Variants in CRACD observed in about 807,000 individuals in gnomAD.
The protein encoded by CRACD is capping protein inhibiting regulator of actin dynamics, also known as capping protein-inhibiting regulator of actin dynamics.
CRACD carries 56 observed loss-of-function variants against 106.8 expected under a neutral mutation model. That is an observed-to-expected ratio of 0.52 (90% CI 0.42 to 0.66). The LOEUF (loss-of-function observed/expected upper bound fraction) is 0.66, where lower values mean the gene tolerates loss of function less well. Among genes scored for constraint, CRACD ranks in the 30% least tolerant of loss-of-function variants. The pLI is 0.00. For missense variants in CRACD, 1,730 were observed against 1,623.2 expected, an observed-to-expected ratio of 1.07 and a Z score of -1.13; for synonymous variants, 754 against 670.8, an observed-to-expected ratio of 1.12 and a Z score of -1.92.
At chr4:56,184,509 G>T (rs1577720360) in intron 2 of CRACD, among the ~76,000 whole-genome samples, 1 of 152,224 alleles carries the variant, frequency 6.6e-6, no homozygotes, top group Non-Finnish European at 1.5e-5. Flanking sequence ...CATCACACAG[G>T]TCTGGCTAGG....
In CRACD at chr4:56,315,430, G is replaced by C; in HGVS notation, c.1928G>C (p.Gly643Ala). The change falls in exon 8 of 11, where the codon GGC (glycine) becomes GCC (alanine). Residue 643 changes from glycine (G) to alanine (A), a missense_variant. Transcript: ENST00000682029. This position sits in a 1 kb window ranked among gnomAD's most constrained non-coding sequence, Gnocchi z 4.1. ...GGGGAGAACCCTCCCCGAGGCCCCG[G>C]CGACGCGAGGGCGGGCAGCGGGAAG... ...PAGENPPRGP[G>A]DARAGSGKAK... is the part of the protein sequence containing the mutation. 6.2e-7 allele frequency: 1 copy of C among 1,612,732 alleles called. No individual in the cohort carries two copies. Among genetic ancestry groups the C allele is most frequent in the Non-Finnish European group, 8.5e-7 (1 of 1,179,650 alleles).
intron 1 of CRACD, among the ~76,000 whole-genome samples, chr4:56,071,040 C>T (rs1230705196): frequency 4.6e-5 from 7 of 152,138 alleles, no homozygotes; most frequent in Non-Finnish European, 8.8e-5. Flanking sequence ...CATTGACTAC[C>T]TTGCCGTAAA....
At chr4:56,218,721 C>A (rs1440422477) in intron 2 of CRACD, among the ~76,000 whole-genome samples, 1 of 151,898 alleles carries the variant, frequency 6.6e-6, no homozygotes, top group African/African-American at 2.4e-5. Flanking sequence ...AATTCTCTCG[C>A]TTCAGCCCCA....
chr4:56,200,933 G>A lies in CRACD; in HGVS notation c.-189+21503G>A, dbSNP rs75019237. Among the ~76,000 whole-genome samples, 1,110 of 152,152 alleles carry A rather than the reference G, an allele frequency of 7.3e-3. 13 individuals carry two copies. Among genetic ancestry groups the A allele is most frequent in the African/African-American group, 0.024 (1,011 of 41,484 alleles). ...TGTCCAATCATCACCACTAATTTCA[G>A]AATTAAAATTTACTTTTAAAAAATG... On this transcript the variant is annotated intron_variant, in intron 2 of 10. Coordinates refer to ENST00000682029, the MANE Select transcript of CRACD (RefSeq NM_001393381.1).
chr4:56,184,683 T>C (rs1737008677), intron 2 of CRACD, among the ~76,000 whole-genome samples: 1 of 152,230 alleles, frequency 6.6e-6, no homozygotes, highest in Admixed American at 6.5e-5. Context: ...TGGTTTGAAT[T>C]ACTTCTCTGC....
intron 1 of CRACD, among the ~76,000 whole-genome samples, chr4:56,174,642 TTGTG>T (rs1736510094): frequency 6.6e-6 from 1 of 152,252 alleles, no homozygotes; most frequent in Non-Finnish European, 1.5e-5. Flanking sequence ...TAATATTCCA[TTGTG>T]TGTATATATA....
chr4:56,204,566 TA>T (rs1404834165), intron 2 of CRACD, among the ~76,000 whole-genome samples: 1 of 152,180 alleles, frequency 6.6e-6, no homozygotes, highest in East Asian at 1.9e-4. Flanking sequence ...GATCACCTCT[TA>T]AAGATCCCAC....
intron 1 of CRACD, among the ~76,000 whole-genome samples, chr4:56,050,692 AAAAG>A (rs1416813043): frequency 1.9e-4 from 29 of 152,370 alleles, no homozygotes; most frequent in African/African-American, 5.5e-4. Context: ...GCAGCTTTGA[AAAAG>A]AAACATTTTG....
At chr4:56,140,512 A>G (rs563408430) in intron 1 of CRACD, among the ~76,000 whole-genome samples, 2 of 142,772 alleles carry the variant, frequency 1.4e-5, no homozygotes, top group South Asian at 4.9e-4. Context: ...TTCTTTAAAA[A>G]GTGTGATTGA....
intron 1 of CRACD, among the ~76,000 whole-genome samples, chr4:56,085,181 A>C (rs1014220832): frequency 1.3e-5 from 2 of 152,178 alleles, no homozygotes; most frequent in African/African-American, 4.8e-5. Flanking sequence ...AGACACTTTA[A>C]GAGTGAAAGG....
intron 2 of CRACD, among the ~76,000 whole-genome samples, chr4:56,270,089 T>G (rs1164828239): frequency 6.6e-6 from 1 of 152,238 alleles, no homozygotes; most frequent in Non-Finnish European, 1.5e-5. Flanking sequence ...AGGCTCTGTT[T>G]GCACCTGTAC....
intron 2 of CRACD, among the ~76,000 whole-genome samples, chr4:56,207,719 T>G (rs1738194479): frequency 7.0e-6 from 1 of 143,608 alleles, no homozygotes; most frequent in Non-Finnish European, 1.5e-5. Context: ...AGTCTTTTGT[T>G]GATACATTTT....
intron 2 of CRACD, among the ~76,000 whole-genome samples, chr4:56,269,340 G>A (rs1173207522): frequency 1.3e-5 from 2 of 151,702 alleles, no homozygotes; most frequent in Non-Finnish European, 2.9e-5. Context: ...CCAAGATCGC[G>A]CCACTGCACT....
At chr4:56,052,038 A>G (rs1731896259) in intron 1 of CRACD, among the ~76,000 whole-genome samples, 1 of 152,186 alleles carries the variant, frequency 6.6e-6, no homozygotes, top group African/African-American at 2.4e-5. Flanking sequence ...AATGTAAAGC[A>G]ATGGCTTTTA....
At chr4:56,175,633 A>C (rs1736551678) in intron 1 of CRACD, among the ~76,000 whole-genome samples, 1 of 152,134 alleles carries the variant, frequency 6.6e-6, no homozygotes, top group South Asian at 2.1e-4. Context: ...TTTAAATCAA[A>C]TTATTTGTTT....
intron 1 of CRACD, among the ~76,000 whole-genome samples, chr4:56,134,565 A>G (rs2109869186): frequency 1.3e-5 from 2 of 152,318 alleles, no homozygotes; most frequent in East Asian, 3.9e-4. Context: ...TGGGTCATGC[A>G]CCAACACCAA....
intron 1 of CRACD, among the ~76,000 whole-genome samples, chr4:56,097,202 C>G (rs1263100690): frequency 6.6e-6 from 1 of 152,132 alleles, no homozygotes. Flanking sequence ...GGGCTTTTGG[C>G]TCTATCATCA....
chr4:56,327,986 C>T lies in CRACD; in HGVS notation c.*182C>T. 1 of 564,694 alleles carries T rather than the reference C, an allele frequency of 1.8e-6. No individual in the cohort carries two copies. The highest frequency in any genetic ancestry group is 3.0e-6 in the Non-Finnish European group (1 of 334,180). 35.0% of individuals were successfully genotyped at this position (564,694 alleles called of 1,614,324 possible). ...CATTGTAAAGAGTGGATTTGCACAA[C>T]CCTAGGTCCTGGTGCCTCGAGCTCC... On this transcript the variant is annotated 3_prime_UTR_variant, in exon 11 of 11. Transcript: ENST00000682029.
chr4:56,263,081 T>C (rs901630810), intron 2 of CRACD, among the ~76,000 whole-genome samples: 1 of 152,134 alleles, frequency 6.6e-6, no homozygotes. Context: ...TAGAAGGGGC[T>C]ACCACACTCT....
Sources: gnomAD v4.1 joint callset for allele counts (sites outside exome capture counted in the v4.1 genomes callset) on GRCh38, gnomAD v4.1.1 for gene constraint, Gnocchi (gnomAD v3.1) non-coding constraint, MANE v1.5 for transcripts, NCBI Gene and HGNC (gene_info 2026-07-23, HGNC 2026-07-21) for gene names.